The following OSBPL3 variants were observed in gnomAD, a reference collection of about 807,000 sequenced individuals.
OSBPL3 encodes oxysterol binding protein like 3.
OSBPL3 carries 65 observed loss-of-function variants against 120.1 expected under a neutral mutation model. The observed-to-expected ratio is 0.54, with a 90% CI of 0.44 to 0.67. The LOEUF (loss-of-function observed/expected upper bound fraction) is 0.67. Among genes scored for constraint, OSBPL3 ranks in the 30% least tolerant of loss-of-function variants. OSBPL3 has a pLI of 0.00. For missense variants in OSBPL3, 1,004 were observed against 1,082.1 expected, an observed-to-expected ratio of 0.93 and a Z score of 1.01; for synonymous variants, 416 against 402.6, an observed-to-expected ratio of 1.03 and a Z score of -0.40.
rs1350127926 is a variant in OSBPL3, at chr7:24,936,516, CCAATTCTGT to C, written c.-150+43361_-150+43369del. Among the ~76,000 whole-genome samples, 1 of 152,170 alleles carries C rather than the reference CCAATTCTGT, an allele frequency of 6.6e-6. No individual in the cohort carries two copies. Among genetic ancestry groups the C allele is most frequent in the African/African-American group, 2.4e-5 (1 of 41,428 alleles). On this transcript the variant is annotated intron_variant, in intron 1 of 22. Transcript: ENST00000313367. The surrounding 1 kb of genome is among the most constrained non-coding windows in gnomAD (Gnocchi z 4.2). Reference sequence around the variant, plus strand: ...TGGGAGTATATGGAGAAGTAAACAGCCAATTCTGTCTAGGAGTGGGAAAGCAGAATGACT... The same window carrying C: ...TGGGAGTATATGGAGAAGTAAACAGCCTAGGAGTGGGAAAGCAGAATGACT...
rs143881890 is a variant in OSBPL3 at position 24,940,417 on chromosome 7, A to G, written c.-150+39469T>C. 9.4e-3 allele frequency among the ~76,000 whole-genome samples: 1,424 copies of G among 152,284 alleles called. 33 individuals carry two copies. Among genetic ancestry groups the G allele is most frequent in the African/African-American group, 0.032 (1,318 of 41,544 alleles). ...AAAGGGTTGACTATATAGCCCAGGT[A>G]CACCAGGGGAGAAGTAAAGAGTGTG... On this transcript the variant is annotated intron_variant, in intron 1 of 22. Coordinates refer to ENST00000313367, the MANE Select transcript of OSBPL3 (RefSeq NM_015550.4). The surrounding 1 kb of genome is among the most constrained non-coding windows in gnomAD (Gnocchi z 4.4).
chr7:24,834,549 C>T lies in OSBPL3; in HGVS notation c.1683G>A (p.Glu561=). The T allele has an allele frequency of 3.7e-6, 6 of 1,614,188 alleles. No individual in the cohort carries two copies. The highest frequency in any genetic ancestry group is 5.1e-6 in the Non-Finnish European group (6 of 1,180,000). Residue 561 remains glutamate (E), a synonymous_variant, in exon 15 of 23, where the codon GAG becomes GAA. Coordinates refer to ENST00000313367, the MANE Select transcript of OSBPL3 (RefSeq NM_015550.4). This position sits in a 1 kb window ranked among gnomAD's most constrained non-coding sequence, Gnocchi z 5.2. The stretch of plus-strand genomic sequence containing the variant: ...CCAGGAGCTCGCTGTACTCCAGCTC[C>T]TCGCAGAGCCTCTGCAGCGTGTTCA... ...EPLNTLQRLC[E]ELEYSELLDK...
chr7:24,852,544 G>C lies in OSBPL3; in HGVS notation c.1118C>G (p.Pro373Arg), dbSNP rs149871533. Reference sequence around the variant, plus strand: ...CTTCAGACCAATGACCTGAGCAGACGGGGAGGAGGAGGCATCCTGCTCCAT... The same window carrying C: ...CTTCAGACCAATGACCTGAGCAGACCGGGAGGAGGAGGCATCCTGCTCCAT... Reference protein sequence around the residue: ...QLMEQDASSSPSAQVIGLKNA... With the variant: ...QLMEQDASSSRSAQVIGLKNA... The change falls in exon 11 of 23, where the codon CCG becomes CGG. Residue 373 changes from proline (P) to arginine (R), a missense_variant. By Grantham distance (103) the Pro-to-Arg change is moderately radical. This residue lies in a region of OSBPL3 where 272 missense variants were observed against 248.8 expected (regional missense o/e 1.09). Transcript: ENST00000313367. This position sits in a 1 kb window ranked among gnomAD's most constrained non-coding sequence, Gnocchi z 4.1. The C allele has an allele frequency of 6.9e-6, 11 of 1,605,622 alleles. No individual in the cohort carries two copies. Among genetic ancestry groups the C allele is most frequent in the Non-Finnish European group, 9.3e-6 (11 of 1,178,048 alleles).
In OSBPL3 at chr7:24,872,448, A is replaced by AGTGTGTGTGT. The variant is rs371127031; in HGVS notation, c.97-389_97-380dup. Among the ~76,000 whole-genome samples the AGTGTGTGTGT allele has an allele frequency of 0.014, 2,048 of 144,948 alleles. 24 individuals carry two copies. The highest frequency in any genetic ancestry group is 0.023 in the African/African-American group (901 of 38,798). On this transcript the variant is annotated intron_variant, in intron 2 of 22. Transcript: ENST00000313367. The surrounding 1 kb of genome is among the most constrained non-coding windows in gnomAD (Gnocchi z 4.1). ...TCAGTCTGAATTTTAACCGAAAGAGAGTGTGTGTGTGTGTGTGTGTGTGTG... is the reference window on the plus strand; with the variant it reads ...TCAGTCTGAATTTTAACCGAAAGAGAGTGTGTGTGTGTGTGTGTGTGTGTGTGTGTGTGTG...
chr7:24,935,706 A>G (rs1812324135), intron 1 of OSBPL3, among the ~76,000 whole-genome samples: 1 of 152,152 alleles, frequency 6.6e-6, no homozygotes, highest in East Asian at 1.9e-4. Flanking sequence ...TTCAATTCTC[A>G]CATGTGTCTC....
chr7:24,871,679 C>T lies in OSBPL3; in HGVS notation c.267+63G>A, dbSNP rs1435698763. The T allele has an allele frequency of 8.3e-7, 1 of 1,209,050 alleles. No homozygotes were observed. The highest frequency in any genetic ancestry group is 1.2e-6 in the Non-Finnish European group (1 of 817,810). The allele number at this position is 1,209,050 out of a possible 1,614,324, so 74.9% of individuals were successfully genotyped here. On this transcript the variant is annotated intron_variant, in intron 4 of 22. Transcript: ENST00000313367. This position sits in a 1 kb window ranked among gnomAD's most constrained non-coding sequence, Gnocchi z 4.8. ...TCCTCAACTATACACACTCTCATCT[C>T]TGAGCTGATGGTTACCCCTTTAGGA...
At chr7:24,971,687 C>G (rs1158005327) in intron 1 of OSBPL3, among the ~76,000 whole-genome samples, 1 of 152,210 alleles carries the variant, frequency 6.6e-6, no homozygotes, top group African/African-American at 2.4e-5. Flanking sequence ...AGTGACTGCT[C>G]GCTAGCCTCT....
intron 12 of OSBPL3, among the ~76,000 whole-genome samples, chr7:24,844,127 C>G (rs60192259): frequency 0.028 from 4,194 of 152,298 alleles, 122 homozygotes; most frequent in African/African-American, 0.061. Flanking sequence ...CACCCCAAGT[C>G]TACAGCATGG....
chr7:24,944,328 G>A (rs1253245815), intron 1 of OSBPL3, among the ~76,000 whole-genome samples: 2 of 152,072 alleles, frequency 1.3e-5, no homozygotes, highest in East Asian at 1.9e-4. Flanking sequence ...GAAACTCCAA[G>A]TGTTAAAAAT....
rs1812567393 is a variant in OSBPL3 at position 24,937,492 on chromosome 7, T to G, written c.-150+42394A>C. On this transcript the variant is annotated intron_variant, in intron 1 of 22. Coordinates refer to ENST00000313367, the MANE Select transcript of OSBPL3 (RefSeq NM_015550.4). The surrounding 1 kb of genome is among the most constrained non-coding windows in gnomAD (Gnocchi z 4.0). ...ACATATAGTTTTAGTTCTTTCTGCT[T>G]TATAGAATTTAATTTACTGAGTCCA... 1.3e-5 allele frequency among the ~76,000 whole-genome samples: 2 copies of G among 152,202 alleles called. No individual in the cohort carries two copies. Among genetic ancestry groups the G allele is most frequent in the South Asian group, 4.1e-4 (2 of 4,826 alleles).
chr7:24,958,143 G>GCCAGATTGT (rs1815293560), intron 1 of OSBPL3, among the ~76,000 whole-genome samples: 1 of 152,032 alleles, frequency 6.6e-6, no homozygotes, highest in African/African-American at 2.4e-5. Context: ...TAAAAAGATT[G>GCCAGATTGT]CCAGATTGTC....
chr7:24,834,107 C>T lies in OSBPL3; in HGVS notation c.1746+379G>A, dbSNP rs944620775. ...CTTACCCTGGATGAGAAAAACAGCT[C>T]GAGAAATTAAATTCTGTCCACCCAG... is the stretch of plus-strand genomic sequence containing the variant. On this transcript the variant is annotated intron_variant, in intron 15 of 22. Transcript: ENST00000313367. The surrounding 1 kb of genome is among the most constrained non-coding windows in gnomAD (Gnocchi z 5.2). 10 of 998,900 alleles carry T rather than the reference C, an allele frequency of 1.0e-5. No individual in the cohort carries two copies. Among genetic ancestry groups the T allele is most frequent in the African/African-American group, 7.0e-5 (4 of 57,486 alleles). 61.9% of individuals were successfully genotyped at this position (998,900 alleles called of 1,614,324 possible).
In OSBPL3 at chr7:24,831,843, A is replaced by G. The variant is rs988050205; in HGVS notation, c.1747-938T>C. Among the ~76,000 whole-genome samples the G allele has an allele frequency of 6.6e-6, 1 of 152,224 alleles. No individual in the cohort carries two copies. Among genetic ancestry groups the G allele is most frequent in the Non-Finnish European group, 1.5e-5 (1 of 68,032 alleles). ...CTGCTAAATTTTTGATGTTGCCTGTAATAGGGACCACCTCACCACCTCATG... is the reference window on the plus strand; with the variant it reads ...CTGCTAAATTTTTGATGTTGCCTGTGATAGGGACCACCTCACCACCTCATG... On this transcript the variant is annotated intron_variant, in intron 15 of 22. Transcript: ENST00000313367. This position sits in a 1 kb window ranked among gnomAD's most constrained non-coding sequence, Gnocchi z 4.0.
rs370843036 is a variant in OSBPL3 at position 24,815,119 on chromosome 7, T to A, written c.2112A>T (p.Gly704=). The A allele has an allele frequency of 9.9e-6, 16 of 1,613,424 alleles. No individual in the cohort carries two copies. The African/African-American group carries it at 2.1e-4, about 22-fold the overall frequency. Residue 704 remains glycine, a synonymous_variant, in exon 19 of 23, where the codon GGA becomes GGT. Coordinates refer to ENST00000313367, the MANE Select transcript of OSBPL3 (RefSeq NM_015550.4). This position sits in a 1 kb window ranked among gnomAD's most constrained non-coding sequence, Gnocchi z 5.1. ...CATGCAGGTTCTTGATGACAATCTC[T>A]CCATAGTGCTCAATCCACCTCTGCC... ...LSGQRWIEHY[G]EIVIKNLHDD...
At chr7:24,903,758 G>A (rs1285668356) in intron 1 of OSBPL3, among the ~76,000 whole-genome samples, 2 of 152,128 alleles carry the variant, frequency 1.3e-5, no homozygotes, top group Non-Finnish European at 2.9e-5. Flanking sequence ...GGTCACATGG[G>A]CCTCACTATT....
Position 24,849,252 on chromosome 7 carries a change from A to G in OSBPL3, c.1159-76T>C. ...AAAGCACAGCAGTGGGCCCTGCAGG[A>G]GCGATCTCTAAGAGCTTGATGAAAC... On this transcript the variant is annotated intron_variant, in intron 11 of 22. Transcript: ENST00000313367. This position sits in a 1 kb window ranked among gnomAD's most constrained non-coding sequence, Gnocchi z 5.4. 1.9e-6 allele frequency: 2 copies of G among 1,080,844 alleles called. No individual in the cohort carries two copies. The highest frequency in any genetic ancestry group is 2.8e-6 in the Non-Finnish European group (2 of 717,850). 67.0% of individuals were successfully genotyped at this position (1,080,844 alleles called of 1,614,324 possible).
Position 24,933,809 on chromosome 7 carries a change from C to T in OSBPL3, c.-149-41188G>A, listed in dbSNP as rs1320612827. ...TTCCCAAAGTTACTATCTGCTTTTG[C>T]TATCAAAGTTTGGAATTTCAGTCAA... is the stretch of plus-strand genomic sequence containing the variant. On this transcript the variant is annotated intron_variant, in intron 1 of 22. Transcript: ENST00000313367. This position sits in a 1 kb window ranked among gnomAD's most constrained non-coding sequence, Gnocchi z 5.1. 6.6e-6 allele frequency among the ~76,000 whole-genome samples: 1 copy of T among 152,138 alleles called. No homozygotes were observed. The highest frequency in any genetic ancestry group is 2.4e-5 in the African/African-American group (1 of 41,432).
Position 24,806,773 on chromosome 7 carries a change from T to C in OSBPL3, c.2444+3A>G. ...GAGAGAAAAATCTTTAAAAAATCCTTACCTCTGGTCTGGCCTAAATCGAGT... is the reference window on the plus strand; with the variant it reads ...GAGAGAAAAATCTTTAAAAAATCCTCACCTCTGGTCTGGCCTAAATCGAGT... On this transcript the variant is annotated splice_donor_region_variant and intron_variant, in intron 21 of 22. Coordinates refer to ENST00000313367, the MANE Select transcript of OSBPL3 (RefSeq NM_015550.4). The surrounding 1 kb of genome is among the most constrained non-coding windows in gnomAD (Gnocchi z 5.2). 6.2e-7 allele frequency: 1 copy of C among 1,612,166 alleles called. No individual in the cohort carries two copies. Among genetic ancestry groups the C allele is most frequent in the Non-Finnish European group, 8.5e-7 (1 of 1,179,324 alleles).
At chr7:24,915,919 G>C (rs569357989) in intron 1 of OSBPL3, among the ~76,000 whole-genome samples, 2 of 152,264 alleles carry the variant, frequency 1.3e-5, no homozygotes. Flanking sequence ...AAGACCAATG[G>C]TTAACAGTAC....
Sources: allele counts gnomAD v4.1 joint callset (sites outside exome capture counted in the v4.1 genomes callset), GRCh38; gene constraint gnomAD v4.1.1; regional missense constraint gnomAD v4.1.1; non-coding constraint Gnocchi (gnomAD v3.1); transcripts MANE v1.5; gene names NCBI Gene and HGNC (gene_info 2026-07-23, HGNC 2026-07-21).